Variants in GRK1 observed in about 807,000 individuals in gnomAD.
GRK1 encodes rhodopsin kinase GRK1.
In GRK1, 28 loss-of-function variants were observed where a neutral mutation model predicts 41.7. That is an observed-to-expected ratio of 0.67 (90% confidence interval 0.50 to 0.92). GRK1 has a LOEUF of 0.92. Among genes scored for constraint, GRK1 ranks in the 40% least tolerant of loss-of-function variants. The pLI, the probability that GRK1 is intolerant of heterozygous loss-of-function variation, is 0.00. For missense variants in GRK1, 703 were observed against 671.2 expected, an observed-to-expected ratio of 1.05 and a Z score of -0.52; for synonymous variants, 327 against 286.7, an observed-to-expected ratio of 1.14 and a Z score of -1.42.
chr13:113,670,073 G>T (rs2049846793), intron 2 of GRK1, among the ~76,000 whole-genome samples: 1 of 152,208 alleles, frequency 6.6e-6, no homozygotes, highest in Admixed American at 6.5e-5. Flanking sequence ...GTGTGGGTGT[G>T]GGAGGCACGT....
At position 113,735,657 on chromosome 13, in the gene GRK1, A is replaced by C; in HGVS notation, c.*294A>C. The C allele has an allele frequency of 3.3e-6, 1 of 306,288 alleles. No homozygotes were observed. The allele number at this position is 306,288 out of a possible 1,614,324, so 19.0% of individuals were successfully genotyped here. On this transcript the variant is annotated 3_prime_UTR_variant, in exon 7 of 7. Coordinates refer to ENST00000335678, the MANE Select transcript of GRK1 (RefSeq NM_002929.3). ...AGAGGGAGTAAGCCAAAAATCTACA[A>C]ACTCTTAGGGAGCCTCCTGCATTGG...
intron 4 of GRK1, 109 bp downstream of exon 4, chr13:113,723,266 GTGTC>G: frequency 3.6e-6 from 2 of 560,454 alleles, no homozygotes; most frequent in Non-Finnish European, 6.7e-6. Context: ...GTATATAGGT[GTGTC>G]TGTGTGCACA....
rs2049859762 is a variant in GRK1, at chr13:113,671,769, G to A, written c.985+113G>A. ...GGCTGACGGCTGTGTGGACGGTGGG[G>A]GTTCATGAGGGCTGACGGCTTCGTG... On this transcript the variant is annotated intron_variant, in intron 3 of 6. Transcript: ENST00000335678. This position sits in a 1 kb window ranked among gnomAD's most constrained non-coding sequence, Gnocchi z 4.1. The A allele has an allele frequency of 1.5e-6, 1 of 679,916 alleles. No homozygotes were observed. The allele number at this position is 679,916 out of a possible 1,614,324, so 42.1% of individuals were successfully genotyped here. A position where few individuals can be genotyped will look rare whatever the true frequency, so the allele number is the denominator to read the frequency against.
chr13:113,733,702 T>TGCGTGTGTGCGC (rs1566699684), intron 6 of GRK1, among the ~76,000 whole-genome samples: 1 of 144,914 alleles, frequency 6.9e-6, no homozygotes, highest in Non-Finnish European at 1.5e-5. Context: ...CATACATGTG[T>TGCGTGTGTGCGC]GCGTGTGTGC....
Position 113,735,371 on chromosome 13 carries a change from C to T in GRK1, c.*8C>T. The T allele has an allele frequency of 1.3e-6, 2 of 1,482,122 alleles. No homozygotes were observed. Among genetic ancestry groups the T allele is most frequent in the Non-Finnish European group, 1.8e-6 (2 of 1,117,386 alleles). 91.8% of individuals were successfully genotyped at this position (1,482,122 alleles called of 1,614,324 possible). On this transcript the variant is annotated 3_prime_UTR_variant, in exon 7 of 7. Coordinates refer to ENST00000335678, the MANE Select transcript of GRK1 (RefSeq NM_002929.3). ...ATGTGTCTGGTTTCCTAGGTGACGC[C>T]CCAGAGTCCACGTGGAGGAAAAGGA...
At position 113,733,002 on chromosome 13, in the gene GRK1, G is replaced by A. The variant is rs750619057; in HGVS notation, c.1313G>A (p.Arg438His). The A allele has an allele frequency of 1.4e-5, 21 of 1,537,100 alleles. No homozygotes were observed. Among genetic ancestry groups the A allele is most frequent in the African/African-American group, 4.1e-5 (3 of 73,182 alleles). ...CTGCTGGAGAAGGACCCGGAGAAGC[G>A]CCTGGGGTTCAGAGATGAGACCTGC... Reference protein sequence around the residue: ...EALLEKDPEKRLGFRDETCDK... With the variant: ...EALLEKDPEKHLGFRDETCDK... The change falls in exon 6 of 7, where the codon CGC (arginine) becomes CAC (histidine). Residue 438 changes from arginine (R) to histidine (H), a missense_variant. Transcript: ENST00000335678.
Position 113,731,328 on chromosome 13 carries a change from A to G in GRK1, c.1179A>G (p.Arg393=). 6.5e-7 allele frequency: 1 copy of G among 1,536,754 alleles called. No homozygotes were observed. Among genetic ancestry groups the G allele is most frequent in the South Asian group, 1.2e-5 (1 of 84,038 alleles). ...YEMIAARGPF[R]ARGEKVENKE... is the part of the protein sequence containing the mutation. ...TGATTGCGGCCAGAGGACCCTTCCGAGCCCGTGGAGAGAAGGTAGGAGGCG... is the reference window on the plus strand; with the variant it reads ...TGATTGCGGCCAGAGGACCCTTCCGGGCCCGTGGAGAGAAGGTAGGAGGCG... Residue 393 remains arginine (R), a synonymous_variant, in exon 5 of 7, where the codon CGA becomes CGG. Transcript: ENST00000335678. This position sits in a 1 kb window ranked among gnomAD's most constrained non-coding sequence, Gnocchi z 5.6.
chr13:113,728,727 T>C (rs1216891949), intron 4 of GRK1, among the ~76,000 whole-genome samples: 4 of 152,116 alleles, frequency 2.6e-5, no homozygotes, highest in Non-Finnish European at 2.9e-5. Context: ...GTTTCCACCC[T>C]GGAGGGGAAG....
intron 6 of GRK1, among the ~76,000 whole-genome samples, chr13:113,734,090 A>G (rs1033444326): frequency 2.0e-5 from 3 of 152,154 alleles, no homozygotes; most frequent in African/African-American, 7.2e-5. Flanking sequence ...GTGTGTGTTC[A>G]TGCACTTTTG....
the GRK1 span, chr13:113,652,619 C>A: frequency 1.8e-5 from 10 of 570,260 alleles, no homozygotes; most frequent in African/African-American, 1.1e-4. Context: ...CTTGCAGAGA[C>A]CCCTGTTCAA....
chr13:113,653,321 C>T, the GRK1 span: 2 of 1,613,450 alleles, frequency 1.2e-6, no homozygotes, highest in Non-Finnish European at 1.7e-6. Flanking sequence ...CACACCTCAC[C>T]TGCTAGGAAG....
chr13:113,729,097 A>T (rs1038536845), intron 4 of GRK1, among the ~76,000 whole-genome samples: 3 of 152,146 alleles, frequency 2.0e-5, no homozygotes, highest in African/African-American at 7.2e-5. Context: ...GGTGCTGAGG[A>T]CTCGAGCTGA....
At chr13:113,729,919 C>T (rs1474836531) in intron 4 of GRK1, among the ~76,000 whole-genome samples, 1 of 150,866 alleles carries the variant, frequency 6.6e-6, no homozygotes, top group African/African-American at 2.4e-5. Flanking sequence ...CACCCAGACC[C>T]ATCCCTCCAT....
intron 6 of GRK1, among the ~76,000 whole-genome samples, 181 bp downstream of exon 6, chr13:113,733,266 C>T (rs901318995): frequency 3.3e-5 from 5 of 152,210 alleles, no homozygotes; most frequent in African/African-American, 1.2e-4. Context: ...CAGGACAAGC[C>T]GATGGAGCCG....
chr13:113,657,653 G>A, the GRK1 span, among the ~76,000 whole-genome samples: 11 of 152,374 alleles, frequency 7.2e-5, no homozygotes, highest in Non-Finnish European at 1.0e-4. Context: ...CCTTATTCAG[G>A]TCATTGCGTG....
In GRK1 at chr13:113,731,318, GACCCTTCC is replaced by G. The variant is rs1358317103; in HGVS notation, c.1170_1177del (p.Pro391SerfsTer24). The G allele has an allele frequency of 6.5e-7, 1 of 1,536,882 alleles. No individual in the cohort carries two copies. Among genetic ancestry groups the G allele is most frequent in the Non-Finnish European group, 8.7e-7 (1 of 1,146,868 alleles). Reference sequence around the variant, plus strand: ...CTGTATGAGATGATTGCGGCCAGAGGACCCTTCCGAGCCCGTGGAGAGAAGGTAGGAGG... The same window carrying G: ...CTGTATGAGATGATTGCGGCCAGAGGGAGCCCGTGGAGAGAAGGTAGGAGG... On this transcript the variant is annotated frameshift_variant, in exon 5 of 7. Coordinates refer to ENST00000335678, the MANE Select transcript of GRK1 (RefSeq NM_002929.3). LOFTEE classifies it high-confidence loss of function. The surrounding 1 kb of genome is among the most constrained non-coding windows in gnomAD (Gnocchi z 5.6).
At chr13:113,727,979 G>A (rs1467687279) in intron 4 of GRK1, among the ~76,000 whole-genome samples, 3 of 98,014 alleles carry the variant, frequency 3.1e-5, no homozygotes, top group Non-Finnish European at 2.0e-5. Context: ...CCATGGCGAT[G>A]AGGAGTACCC....
rs2049936991 is a variant in GRK1 at position 113,731,430 on chromosome 13, G to A, written c.1194+87G>A. 1.3e-6 allele frequency: 2 copies of A among 1,502,252 alleles called. No individual in the cohort carries two copies. The highest frequency in any genetic ancestry group is 1.8e-6 in the Non-Finnish European group (2 of 1,124,922). The allele number at this position is 1,502,252 out of a possible 1,614,324, so 93.1% of individuals were successfully genotyped here. ...GGGGCAGTGATGGGATCGTTACTGG[G>A]GCAGACCTGGGAGTTGTTCTGTGGG... is the stretch of plus-strand genomic sequence containing the variant. On this transcript the variant is annotated intron_variant, in intron 5 of 6. Coordinates refer to ENST00000335678, the MANE Select transcript of GRK1 (RefSeq NM_002929.3). This position sits in a 1 kb window ranked among gnomAD's most constrained non-coding sequence, Gnocchi z 5.6.
chr13:113,733,899 A>ATGTGTGCATACAGTGTGCG, intron 6 of GRK1, among the ~76,000 whole-genome samples: 1 of 45,240 alleles, frequency 2.2e-5, no homozygotes, highest in South Asian at 6.9e-4. Flanking sequence ...GCGTGTGTGT[A>ATGTGTGCATACAGTGTGCG]TGTGTGCATA....
Sources: gnomAD v4.1 joint callset for allele counts (sites outside exome capture counted in the v4.1 genomes callset) on GRCh38, gnomAD v4.1.1 for gene constraint, Gnocchi (gnomAD v3.1) non-coding constraint, MANE v1.5 for transcripts, NCBI Gene and HGNC (gene_info 2026-07-23, HGNC 2026-07-21) for gene names.